SGK3: variants seen among roughly 807,000 people sequenced by gnomAD.
The protein encoded by SGK3 is serine/threonine-protein kinase Sgk3.
In SGK3, 47 loss-of-function variants were observed where a neutral mutation model predicts 68.5. The ratio of observed to expected loss-of-function variants is 0.69; its 90% CI spans 0.54 to 0.87. SGK3 has a LOEUF of 0.87. Among genes scored for constraint, SGK3 ranks in the 40% least tolerant of loss-of-function variants. The pLI is 0.00. For synonymous variants in SGK3, 181 were observed against 189.1 expected (o/e 0.96, Z 0.35); for missense variants, 479 against 575.5 (o/e 0.83, Z 1.72).
intron 3 of SGK3, among the ~76,000 whole-genome samples, chr8:66,799,774 A>G (rs1225167968): frequency 6.6e-6 from 1 of 152,128 alleles, no homozygotes; most frequent in East Asian, 1.9e-4. Flanking sequence ...GGCGTGAGCT[A>G]CCACGCCTGG....
At chr8:66,816,890 G>C (rs1172742194) in intron 5 of SGK3, among the ~76,000 whole-genome samples, 1 of 152,130 alleles carries the variant, frequency 6.6e-6, no homozygotes, top group Non-Finnish European at 1.5e-5. Context: ...GAGTGCAGTG[G>C]CGTGATCTCG....
intron 10 of SGK3, among the ~76,000 whole-genome samples, chr8:66,838,617 C>T (rs1310147246): frequency 6.6e-6 from 1 of 152,054 alleles, no homozygotes; most frequent in Non-Finnish European, 1.5e-5. Flanking sequence ...GCTTCTGAGA[C>T]CTTTTTGTAC....
chr8:66,793,390 G>GT (rs978802226), intron 1 of SGK3, among the ~76,000 whole-genome samples: 1 of 152,266 alleles, frequency 6.6e-6, no homozygotes, highest in African/African-American at 2.4e-5. Flanking sequence ...ACTGAGGTGT[G>GT]TAAGTTCCTA....
chr8:66,811,684 C>G (rs1417651628), intron 4 of SGK3, among the ~76,000 whole-genome samples: 1 of 152,206 alleles, frequency 6.6e-6, no homozygotes, highest in Non-Finnish European at 1.5e-5. Context: ...AAGGAAATTC[C>G]TCTCTTCACA....
intron 1 of SGK3, among the ~76,000 whole-genome samples, chr8:66,742,171 G>T (rs925254246): frequency 1.3e-5 from 2 of 152,202 alleles, no homozygotes; most frequent in African/African-American, 4.8e-5. Context: ...AATAGATCAT[G>T]AAATGAAAGA....
At chr8:66,803,459 T>A (rs1302317330) in intron 3 of SGK3, among the ~76,000 whole-genome samples, 1 of 113,866 alleles carries the variant, frequency 8.8e-6, no homozygotes, top group African/African-American at 5.3e-5. Flanking sequence ...CCTCCCAAAG[T>A]GCTGGGATTA....
intron 4 of SGK3, among the ~76,000 whole-genome samples, chr8:66,811,875 A>G (rs1258857111): frequency 6.6e-6 from 1 of 152,234 alleles, no homozygotes; most frequent in African/African-American, 2.4e-5. Flanking sequence ...TTTTTAATGT[A>G]AACTTCACAT....
At position 66,798,635 on chromosome 8, in the gene SGK3, C is replaced by G; in HGVS notation, c.180+10C>G. On this transcript the variant is annotated intron_variant, in intron 3 of 16. Coordinates refer to ENST00000521198, the MANE Select transcript of SGK3 (RefSeq NM_001033578.3). ...TAAACTTTATAACACTGTAAGTAAT[C>G]GTCTACAAGATTTCTAATTAAAAGA... is the stretch of plus-strand genomic sequence containing the variant. 6.3e-7 allele frequency: 1 copy of G among 1,574,904 alleles called. No individual in the cohort carries two copies. The highest frequency in any genetic ancestry group is 8.6e-7 in the Non-Finnish European group (1 of 1,161,026).
chr8:66,804,296 AT>A, intron 3 of SGK3, 78 bp from the exon 4 acceptor site: 1 of 1,216,806 alleles, frequency 8.2e-7, no homozygotes, highest in Non-Finnish European at 1.1e-6. Flanking sequence ...TTAAAATAAG[AT>A]TGTATTTGGC....
intron 1 of SGK3, among the ~76,000 whole-genome samples, chr8:66,718,510 C>T (rs1372871925): frequency 9.3e-5 from 14 of 150,896 alleles, no homozygotes; most frequent in Non-Finnish European, 1.8e-4. Context: ...CTAATGCACA[C>T]GTATGTAGTT....
intron 16 of SGK3, 63 bp downstream of exon 16, chr8:66,850,983 T>C: frequency 1.3e-6 from 2 of 1,485,126 alleles, no homozygotes; most frequent in South Asian, 1.3e-5. Flanking sequence ...TCATTGTAAG[T>C]TTGAAACTAG....
intron 6 of SGK3, among the ~76,000 whole-genome samples, chr8:66,823,280 T>C (rs578147947): frequency 3.1e-4 from 47 of 152,196 alleles, no homozygotes; most frequent in Non-Finnish European, 5.9e-4. Context: ...CAGGATTTTA[T>C]ATACAGAACA....
At chr8:66,742,498 C>T (rs1187808104) in intron 1 of SGK3, among the ~76,000 whole-genome samples, 1 of 152,122 alleles carries the variant, frequency 6.6e-6, no homozygotes, top group African/African-American at 2.4e-5. Flanking sequence ...TCCTGAATAG[C>T]TGGGACTACA....
intron 1 of SGK3, among the ~76,000 whole-genome samples, chr8:66,781,745 A>G (rs1259822211): frequency 1.3e-5 from 2 of 152,236 alleles, no homozygotes; most frequent in African/African-American, 4.8e-5. Flanking sequence ...TTTAATTCAT[A>G]TATCACTTTT....
At chr8:66,726,605 T>C (rs989076047) in intron 1 of SGK3, among the ~76,000 whole-genome samples, 1 of 152,116 alleles carries the variant, frequency 6.6e-6, no homozygotes, top group African/African-American at 2.4e-5. Context: ...TAAAATGTTT[T>C]AAATATGTAT....
At chr8:66,831,113 C>T (rs1447519937) in intron 7 of SGK3, 141 bp from the exon 8 acceptor site, 3 of 870,502 alleles carry the variant, frequency 3.4e-6, no homozygotes, top group Non-Finnish European at 5.4e-6. Context: ...AGATGAAGTA[C>T]TCAGCAGGAA....
chr8:66,814,399 G>A (rs892504947), intron 5 of SGK3, among the ~76,000 whole-genome samples: 1 of 152,172 alleles, frequency 6.6e-6, no homozygotes, highest in Non-Finnish European at 1.5e-5. Context: ...AGAGAAAGGT[G>A]TAGGCATATC....
chr8:66,740,906 CAAAAAAAAAAA>C (rs899256897), intron 1 of SGK3, among the ~76,000 whole-genome samples: 3 of 42,738 alleles, frequency 7.0e-5, no homozygotes, highest in Non-Finnish European at 9.7e-5. Flanking sequence ...GACTCTGTCT[CAAAAAAAAAAA>C]AAAAAAAAAA....
chr8:66,793,015 G>A (rs1344082215), intron 1 of SGK3, among the ~76,000 whole-genome samples: 1 of 152,136 alleles, frequency 6.6e-6, no homozygotes, highest in African/African-American at 2.4e-5. Context: ...TTGTTCATGG[G>A]GTGGGATGAT....
Sources: allele counts gnomAD v4.1 joint callset (sites outside exome capture counted in the v4.1 genomes callset), GRCh38; gene constraint gnomAD v4.1.1; transcripts MANE v1.5; gene names NCBI Gene and HGNC (gene_info 2026-07-23, HGNC 2026-07-21).